The following SLC9C1 variants were observed in gnomAD, a reference collection of about 807,000 sequenced individuals.
SLC9C1 encodes the protein solute carrier family 9 member C1, also known as sodium/hydrogen exchanger 10.
A neutral mutation model predicts 140.9 loss-of-function variants in SLC9C1; 97 were observed. The observed-to-expected ratio is 0.69, with a 90% CI of 0.58 to 0.82. The LOEUF (loss-of-function observed/expected upper bound fraction) is 0.82. Ranked by LOEUF, SLC9C1 falls within the 40% of genes least tolerant of loss-of-function variation. SLC9C1 has a pLI of 0.00. For missense variants in SLC9C1, 1,340 were observed against 1,389.3 expected (o/e 0.96, Z 0.56); for synonymous variants, 440 against 442.6 (o/e 0.99, Z 0.07).
chr3:112,198,831 T>C (rs1378767255), intron 20 of SLC9C1, among the ~76,000 whole-genome samples: 4 of 151,950 alleles, frequency 2.6e-5, no homozygotes, highest in Non-Finnish European at 2.9e-5. Context: ...TTTTTTCTTA[T>C]GCTATTTCCA....
intron 20 of SLC9C1, among the ~76,000 whole-genome samples, chr3:112,196,421 C>T (rs2077769461): frequency 6.6e-6 from 1 of 152,060 alleles, no homozygotes; most frequent in Non-Finnish European, 1.5e-5. Flanking sequence ...TGTTTACATT[C>T]ATGTCTTTCA....
intron 24 of SLC9C1, 43 bp from the exon 25 acceptor site, chr3:112,169,105 A>G (rs1292821628): frequency 6.4e-7 from 1 of 1,569,734 alleles, no homozygotes; most frequent in East Asian, 2.2e-5. Flanking sequence ...TAGTCTATGA[A>G]GTTCAGTATA....
At chr3:112,149,961 C>A (rs2074910074) in intron 28 of SLC9C1, among the ~76,000 whole-genome samples, 1 of 152,306 alleles carries the variant, frequency 6.6e-6, no homozygotes, top group East Asian at 1.9e-4. Flanking sequence ...AGGCACTCAG[C>A]AATGGCACAT....
chr3:112,188,499 C>T (rs1160281900), intron 20 of SLC9C1, among the ~76,000 whole-genome samples: 4 of 151,736 alleles, frequency 2.6e-5, no homozygotes, highest in African/African-American at 7.3e-5. Context: ...GGTTTTCTAT[C>T]CTTGCAATAG....
rs145044735 is a variant in SLC9C1 at position 112,255,678 on chromosome 3, G to A, written c.1197+7246C>T. Among the ~76,000 whole-genome samples the A allele has an allele frequency of 8.7e-3, 1,331 of 152,218 alleles. 26 individuals are homozygous for A. The highest frequency in any genetic ancestry group is 0.029 in the African/African-American group (1,205 of 41,554). Reference sequence around the variant, plus strand: ...AATCACAACTAAAAGAACTAGAGAAGCAAGAGCAAACCAGTCCCAAAGCTA... The same window carrying A: ...AATCACAACTAAAAGAACTAGAGAAACAAGAGCAAACCAGTCCCAAAGCTA... On this transcript the variant is annotated intron_variant, in intron 10 of 28. Coordinates refer to ENST00000305815, the MANE Select transcript of SLC9C1 (RefSeq NM_183061.3).
rs190077437 is a variant in SLC9C1, at chr3:112,195,277, G to T, written c.2523+4044C>A. Among the ~76,000 whole-genome samples the T allele has an allele frequency of 1.0e-3, 153 of 152,164 alleles. 3 individuals are homozygous for T. In the East Asian group the frequency reaches 0.013, roughly 13 times the overall value. On this transcript the variant is annotated intron_variant, in intron 20 of 28. Transcript: ENST00000305815. The stretch of plus-strand genomic sequence containing the variant: ...TTTAGGTCTTACATAAAGGTCATGG[G>T]TCTATTTTGAGGTATTTTTTGTATA...
chr3:112,168,914 TA>T lies in SLC9C1; in HGVS notation c.3199del (p.Tyr1067IlefsTer6). 1 of 1,602,018 alleles carries T rather than the reference TA, an allele frequency of 6.2e-7. No individual in the cohort carries two copies. The highest frequency in any genetic ancestry group is 8.5e-7 in the Non-Finnish European group (1 of 1,176,624). ...AVEDCLLRKT[Y>X]RAPFLIPITC... ...TATAGGAATTAAGAAAGGTGCTCTA[TA>T]AGTTTTTCGTAACAGACAATCTTCT... On this transcript the variant is annotated frameshift_variant, in exon 25 of 29. Transcript: ENST00000305815. LOFTEE classifies it high-confidence loss of function.
In SLC9C1 at chr3:112,151,712, A is replaced by G. The variant is rs1279687353; in HGVS notation, c.3524+145T>C. ...TTAATTCTCTAAATTACAACTTAGA[A>G]ACACTGTAATTAGAAGAATCATCTG... On this transcript the variant is annotated intron_variant, in intron 28 of 28. Coordinates refer to ENST00000305815, the MANE Select transcript of SLC9C1 (RefSeq NM_183061.3). 10 of 681,588 alleles carry G rather than the reference A, an allele frequency of 1.5e-5. No homozygotes were observed. The African/African-American group carries it at 1.8e-4, about 12-fold the overall frequency. 42.2% of individuals were successfully genotyped at this position (681,588 alleles called of 1,614,324 possible). A position where few individuals can be genotyped will look rare whatever the true frequency, so the allele number is the denominator to read the frequency against.
chr3:112,148,204 C>T (rs1388839661), intron 28 of SLC9C1, among the ~76,000 whole-genome samples: 2 of 152,092 alleles, frequency 1.3e-5, no homozygotes, highest in Non-Finnish European at 2.9e-5. Context: ...CCAGCTTCAT[C>T]TTGGATCTCA....
intron 23 of SLC9C1, among the ~76,000 whole-genome samples, chr3:112,179,177 T>G (rs1381934028): frequency 1.3e-5 from 2 of 151,978 alleles, no homozygotes; most frequent in African/African-American, 2.4e-5. Context: ...CCAGGCACTT[T>G]GTCCAACTTT....
At chr3:112,255,833 C>A (rs2079591393) in intron 10 of SLC9C1, among the ~76,000 whole-genome samples, 2 of 151,970 alleles carry the variant, frequency 1.3e-5, no homozygotes, top group African/African-American at 4.8e-5. Context: ...GACAGATAAG[C>A]TTCTAGCTAG....
chr3:112,243,964 C>G, intron 11 of SLC9C1, 31 bp downstream of exon 11: 1 of 1,419,456 alleles, frequency 7.0e-7, no homozygotes, highest in South Asian at 1.3e-5. Flanking sequence ...ATGTTTTTCT[C>G]TCCACAGGAA....
intron 1 of SLC9C1, among the ~76,000 whole-genome samples, chr3:112,289,599 G>T (rs991843456): frequency 1.3e-5 from 2 of 152,112 alleles, no homozygotes; most frequent in African/African-American, 4.8e-5. Flanking sequence ...TGTTCTGTGG[G>T]ATCATTTATG....
intron 26 of SLC9C1, among the ~76,000 whole-genome samples, chr3:112,159,652 G>C (rs1251086365): frequency 6.6e-6 from 1 of 151,934 alleles, no homozygotes; most frequent in African/African-American, 2.4e-5. Flanking sequence ...GCTGTAACTG[G>C]GGTGTTGAAG....
Position 112,277,777 on chromosome 3 carries a change from C to T in SLC9C1, c.402G>A (p.Leu134=). The change falls in exon 5 of 29, where the codon TTG becomes TTA. Residue 134 remains leucine, a synonymous_variant. Coordinates refer to ENST00000305815, the MANE Select transcript of SLC9C1 (RefSeq NM_183061.3). ...AAAATAATAACCATTGGGTAGGCTT[C>T]AAAAGTAATTGATTTACAGATGCCA... is the stretch of plus-strand genomic sequence containing the variant. The part of the protein sequence containing the change: ...WHLASVNQLL[L]KPTQWLLFSA... The T allele has an allele frequency of 6.2e-7, 1 of 1,612,474 alleles. No individual in the cohort carries two copies. The highest frequency in any genetic ancestry group is 8.5e-7 in the Non-Finnish European group (1 of 1,179,170).
At chr3:112,253,826 TATC>T (rs1255823003) in intron 10 of SLC9C1, among the ~76,000 whole-genome samples, 1 of 152,144 alleles carries the variant, frequency 6.6e-6, no homozygotes, top group East Asian at 1.9e-4. Flanking sequence ...TAGTAATGAA[TATC>T]ATCAAGATTC....
intron 16 of SLC9C1, 85 bp downstream of exon 16, chr3:112,208,093 T>G (rs1359725091): frequency 1.3e-5 from 14 of 1,080,538 alleles, no homozygotes; most frequent in Non-Finnish European, 1.8e-5. Flanking sequence ...CAGAAAATTG[T>G]CTGTTGCTGG....
intron 15 of SLC9C1, 46 bp from the exon 16 acceptor site, chr3:112,208,419 A>G (rs2078115026): frequency 7.7e-7 from 1 of 1,302,280 alleles, no homozygotes; most frequent in Non-Finnish European, 1.0e-6. Flanking sequence ...GTTTACATTA[A>G]ATGATTTTCA....
chr3:112,195,324 C>A (rs1031336527), intron 20 of SLC9C1, among the ~76,000 whole-genome samples: 2 of 152,082 alleles, frequency 1.3e-5, no homozygotes, highest in Non-Finnish European at 2.9e-5. Context: ...AAGGGTCCAA[C>A]TTTATTCTTG....
Sources: gnomAD v4.1 joint callset for allele counts (sites outside exome capture counted in the v4.1 genomes callset) on GRCh38, gnomAD v4.1.1 for gene constraint, MANE v1.5 for transcripts, NCBI Gene and HGNC (gene_info 2026-07-23, HGNC 2026-07-21) for gene names.